Variants in SYBU observed in about 807,000 individuals in gnomAD.
The protein encoded by SYBU is GOLSYN A protein.
In SYBU, 21 loss-of-function variants were observed where a neutral mutation model predicts 35.9. The ratio of observed to expected loss-of-function variants is 0.58; its 90% CI spans 0.41 to 0.84. The LOEUF is 0.84. Ranked by LOEUF, SYBU falls within the 40% of genes least tolerant of loss-of-function variation. The probability of loss-of-function intolerance (pLI) is 0.00; values close to 1 mark genes in which losing one functional copy is unlikely to be tolerated. For missense variants in SYBU, 768 were observed against 848.2 expected (o/e 0.91, Z 1.17); for synonymous variants, 319 against 324.3 (o/e 0.98, Z 0.18).
At chr8:109,675,781 T>C (rs1227141570) in intron 1 of SYBU, among the ~76,000 whole-genome samples, 2 of 152,204 alleles carry the variant, frequency 1.3e-5, no homozygotes, top group African/African-American at 4.8e-5. Flanking sequence ...CCTCCCTAAC[T>C]CATTTTATGA....
At chr8:109,579,354 G>A (rs745579276) in intron 5 of SYBU, among the ~76,000 whole-genome samples, 10 of 152,152 alleles carry the variant, frequency 6.6e-5, no homozygotes, top group Admixed American at 2.0e-4. Flanking sequence ...TCCAGACTGC[G>A]TTGGACACCC....
At chr8:109,675,481 A>C (rs748143656) in intron 1 of SYBU, among the ~76,000 whole-genome samples, 23 of 152,356 alleles carry the variant, frequency 1.5e-4, no homozygotes, top group Non-Finnish European at 3.4e-4. Flanking sequence ...ACAGAATTAC[A>C]GACTACCATC....
At chr8:109,638,810 C>A (rs1470477602) in intron 2 of SYBU, among the ~76,000 whole-genome samples, 1 of 152,136 alleles carries the variant, frequency 6.6e-6, no homozygotes, top group Non-Finnish European at 1.5e-5. Context: ...AGCACAAAAA[C>A]ACTCATGTGC....
intron 1 of SYBU, among the ~76,000 whole-genome samples, chr8:109,652,364 C>T (rs80244102): frequency 6.6e-6 from 1 of 151,190 alleles, no homozygotes; most frequent in African/African-American, 2.4e-5. Context: ...TCCTCCTCCT[C>T]CTTCTTTTTC....
At chr8:109,649,296 C>T (rs1440892713), upstream of SYBU, among the ~76,000 whole-genome samples, 5 of 152,008 alleles carry the variant, frequency 3.3e-5, no homozygotes, top group African/African-American at 1.2e-4. Flanking sequence ...GCCACCGTGC[C>T]CAGCCCAACC....
In SYBU at chr8:109,575,268, T is replaced by C. The variant is rs370023559; in HGVS notation, c.1630A>G (p.Thr544Ala). 14 of 1,613,996 alleles carry C rather than the reference T, an allele frequency of 8.7e-6. No individual in the cohort carries two copies. The highest frequency in any genetic ancestry group is 1.6e-4 in the Middle Eastern group (1 of 6,062). ...ATGGCTGAGTTTGGATTTCTTGGAG[T>C]TAAATCAACCACTAAGGCAGAGAGG... ...ESLSALVVDL[T>A]PRNPNSAILL... The change falls in exon 7 of 7, where the codon ACT becomes GCT. Residue 544 changes from threonine (T) to alanine (A), a missense_variant. Physicochemically the swap from Thr to Ala is moderately conservative, Grantham distance 58. Coordinates refer to ENST00000276646, the MANE Select transcript of SYBU (RefSeq NM_001099754.2).
chr8:109,667,776 T>TTTG (rs545799721), intron 1 of SYBU, among the ~76,000 whole-genome samples: 7 of 152,142 alleles, frequency 4.6e-5, no homozygotes, highest in Non-Finnish European at 1.0e-4. Context: ...TACAGGCTTT[T>TTTG]TTGTTGTTGT....
intron 2 of SYBU, among the ~76,000 whole-genome samples, chr8:109,633,576 G>T (rs1813871883): frequency 6.6e-6 from 1 of 152,152 alleles, no homozygotes; most frequent in African/African-American, 2.4e-5. Flanking sequence ...CAGTGGCCGG[G>T]GCACCAGGTT....
At chr8:109,684,515 T>G (rs374526464), upstream of SYBU, among the ~76,000 whole-genome samples, 87 of 152,376 alleles carry the variant, frequency 5.7e-4, 3 homozygotes, top group African/African-American at 2.0e-3. Context: ...CATCTGTATG[T>G]AAGTTTAATA....
intron 2 of SYBU, among the ~76,000 whole-genome samples, chr8:109,637,706 CA>C (rs1466279874): frequency 6.6e-6 from 1 of 152,114 alleles, no homozygotes; most frequent in Non-Finnish European, 1.5e-5. Flanking sequence ...TCACTCTATC[CA>C]GATGCCAAGT....
intron 3 of SYBU, among the ~76,000 whole-genome samples, chr8:109,608,936 GCTACATAT>G (rs1810877088): frequency 5.9e-5 from 9 of 152,068 alleles, no homozygotes; most frequent in Admixed American, 5.2e-4. Flanking sequence ...CATACATTCT[GCTACATAT>G]CTAACACCTT....
chr8:109,678,686 G>A (rs140203532), intron 1 of SYBU, among the ~76,000 whole-genome samples: 1,817 of 152,014 alleles, frequency 0.012, 35 homozygotes, highest in African/African-American at 0.041. Flanking sequence ...TGATCCACCC[G>A]CCTCGGCCTC....
intron 1 of SYBU, chr8:109,680,313 C>T (rs1406733730): frequency 6.6e-6 from 1 of 152,220 alleles, no homozygotes; most frequent in Non-Finnish European, 1.5e-5. Context: ...TGGCAGCATG[C>T]TACTATAGTT....
At chr8:109,635,121 G>A (rs1398590786) in intron 2 of SYBU, among the ~76,000 whole-genome samples, 1 of 152,172 alleles carries the variant, frequency 6.6e-6, no homozygotes, top group East Asian at 1.9e-4. Context: ...TGTCCCAGTT[G>A]ATGAGAGGTT....
At chr8:109,659,675 C>G (rs1322496276) in intron 1 of SYBU, among the ~76,000 whole-genome samples, 2 of 152,154 alleles carry the variant, frequency 1.3e-5, no homozygotes, top group African/African-American at 2.4e-5. Flanking sequence ...AAGAACAATT[C>G]GGTTGTTCCC....
In SYBU at chr8:109,575,066, A is replaced by C. The variant is rs766445383; in HGVS notation, c.1832T>G (p.Leu611Arg). Residue 611 changes from leucine to arginine, a missense_variant, in exon 7 of 7, where the codon CTC (leucine) becomes CGC (arginine). Leu to Arg is a moderately radical substitution (Grantham distance 102, BLOSUM62 -2). Transcript: ENST00000276646. The part of the protein sequence containing the change: ...QYWSSSFLVD[L>R]LAVAAPVVPT... Reference sequence around the variant, plus strand: ...GACCACGGGGGCAGCCACAGCCAGGAGATCCACCAGGAAGCTGCTGCTCCA... The same window carrying C: ...GACCACGGGGGCAGCCACAGCCAGGCGATCCACCAGGAAGCTGCTGCTCCA... 1.9e-6 allele frequency: 3 copies of C among 1,608,902 alleles called. No individual in the cohort carries two copies. The African/African-American group carries it at 4.0e-5, about 21-fold the overall frequency.
At chr8:109,672,866 T>C (rs1817037300) in intron 1 of SYBU, among the ~76,000 whole-genome samples, 1 of 152,182 alleles carries the variant, frequency 6.6e-6, no homozygotes, top group Non-Finnish European at 1.5e-5. Flanking sequence ...CTGCCATTAC[T>C]GAGGCTTGAG....
intron 1 of SYBU, among the ~76,000 whole-genome samples, chr8:109,664,506 C>T (rs549761322): frequency 7.2e-5 from 11 of 152,160 alleles, no homozygotes; most frequent in Non-Finnish European, 1.5e-4. Context: ...CAGTATTTAT[C>T]TAACTCATTT....
chr8:109,668,539 CTGTA>C (rs927114635), intron 1 of SYBU, among the ~76,000 whole-genome samples: 4 of 152,106 alleles, frequency 2.6e-5, no homozygotes, highest in African/African-American at 9.7e-5. Context: ...CTTTGTCTGT[CTGTA>C]TGTATGTGTG....
Sources: allele counts gnomAD v4.1 joint callset (sites outside exome capture counted in the v4.1 genomes callset), GRCh38; gene constraint gnomAD v4.1.1; transcripts MANE v1.5; gene names NCBI Gene and HGNC (gene_info 2026-07-23, HGNC 2026-07-21).